The following STK39 variants were observed in gnomAD, a reference collection of about 807,000 sequenced individuals.
STK39 encodes serine/threonine kinase 39.
A neutral mutation model predicts 77.8 loss-of-function variants in STK39; 20 were observed. The ratio of observed to expected loss-of-function variants is 0.26; its 90% confidence interval spans 0.18 to 0.37. STK39 has a LOEUF of 0.37. Among genes scored for constraint, STK39 ranks in the 10% least tolerant of loss-of-function variants. The probability of loss-of-function intolerance (pLI) is 1.00; values close to 1 mark genes in which losing one functional copy is unlikely to be tolerated. For missense variants in STK39, 479 were observed against 656.5 expected (o/e 0.73, Z 2.95); for synonymous variants, 246 against 234.1 (o/e 1.05, Z -0.47).
At position 168,247,254 on chromosome 2, in the gene STK39, TC is replaced by T; in HGVS notation, c.181del (p.Asp61ThrfsTer29). ...GATAACCTCCTGCAGCTCGTACGCG[TC>T]CCTGCAGATGGGCCAGCCGACAGCC... ...AQAVGWPICR[D>X]AYELQEVIGS... is the part of the protein sequence containing the mutation. On this transcript the variant is annotated frameshift_variant, in exon 1 of 18. Transcript: ENST00000355999. LOFTEE classifies it high-confidence loss of function. The T allele has an allele frequency of 8.9e-7, 1 of 1,127,458 alleles. No homozygotes were observed. The highest frequency in any genetic ancestry group is 1.1e-6 in the Non-Finnish European group (1 of 923,500). 69.8% of individuals were successfully genotyped at this position (1,127,458 alleles called of 1,614,324 possible). A position where few individuals can be genotyped will look rare whatever the true frequency, so the allele number is the denominator to read the frequency against.
intron 14 of STK39, among the ~76,000 whole-genome samples, chr2:168,048,743 C>G (rs958774204): frequency 6.6e-6 from 1 of 152,178 alleles, no homozygotes; most frequent in Non-Finnish European, 1.5e-5. Flanking sequence ...GGTTCTCTAG[C>G]TACCTTCTGT....
chr2:168,244,105 C>T (rs190682290), intron 1 of STK39, among the ~76,000 whole-genome samples: 1 of 152,298 alleles, frequency 6.6e-6, no homozygotes, highest in African/African-American at 2.4e-5. Flanking sequence ...TCCCTCCCAT[C>T]GATTTTACAT....
intron 1 of STK39, among the ~76,000 whole-genome samples, chr2:168,209,284 A>T (rs910557679): frequency 6.6e-6 from 1 of 152,212 alleles, no homozygotes; most frequent in South Asian, 2.1e-4. Flanking sequence ...AAATACAGAG[A>T]CCACCAGAAA....
In STK39 at chr2:168,197,591, A is replaced by G. The variant is rs1328721831; in HGVS notation, c.209-15501T>C. ...AGAACTGTCCAATCATATCTTACAA[A>G]TGGGTATTCATGTGTACTGCCCTCC... On this transcript the variant is annotated intron_variant, in intron 1 of 17. Coordinates refer to ENST00000355999, the MANE Select transcript of STK39 (RefSeq NM_013233.3). Among the ~76,000 whole-genome samples the G allele has an allele frequency of 2.0e-5, 3 of 152,232 alleles. No individual in the cohort carries two copies. In the East Asian group the frequency reaches 5.8e-4, roughly 29 times the overall value.
chr2:168,217,905 T>C (rs1690066173), intron 1 of STK39, among the ~76,000 whole-genome samples: 1 of 152,184 alleles, frequency 6.6e-6, no homozygotes, highest in African/African-American at 2.4e-5. Context: ...CATAGTCTCC[T>C]ATGGAGGGGA....
At chr2:168,102,802 C>T (rs1244003636) in intron 10 of STK39, among the ~76,000 whole-genome samples, 3 of 151,818 alleles carry the variant, frequency 2.0e-5, no homozygotes, top group African/African-American at 7.3e-5. Context: ...TGGTGGTGGG[C>T]ACCTGTAGTC....
intron 10 of STK39, among the ~76,000 whole-genome samples, chr2:168,090,291 TTGAATGAATGAA>T (rs35981068): frequency 1.3e-5 from 2 of 151,396 alleles, no homozygotes; most frequent in African/African-American, 4.8e-5. Context: ...GATACATTTG[TTGAATGAATGAA>T]TGAATGAATG....
intron 10 of STK39, among the ~76,000 whole-genome samples, chr2:168,122,052 T>C (rs1483409658): frequency 1.3e-5 from 2 of 152,216 alleles, no homozygotes; most frequent in Non-Finnish European, 2.9e-5. Context: ...TTTATTTTCG[T>C]TTCAGGGGCA....
intron 10 of STK39, among the ~76,000 whole-genome samples, chr2:168,082,588 T>G (rs1686263383): frequency 6.6e-6 from 1 of 152,198 alleles, no homozygotes; most frequent in African/African-American, 2.4e-5. Flanking sequence ...CTCCTACCTC[T>G]CTTGTCCTTC....
At chr2:168,137,926 A>G (rs1029878845) in intron 8 of STK39, among the ~76,000 whole-genome samples, 162 bp downstream of exon 8, 5 of 152,124 alleles carry the variant, frequency 3.3e-5, no homozygotes, top group Admixed American at 1.3e-4. Flanking sequence ...TCTTGGACCC[A>G]CACCGTCTTT....
chr2:167,991,915 A>C (rs1350325318), intron 16 of STK39, among the ~76,000 whole-genome samples: 2 of 152,210 alleles, frequency 1.3e-5, no homozygotes, highest in Admixed American at 6.5e-5. Flanking sequence ...TATCAGGAAG[A>C]CAGGAATCTT....
rs146323559 is a variant in STK39 at position 168,193,805 on chromosome 2, A to G, written c.209-11715T>C. Among the ~76,000 whole-genome samples, 1,124 of 152,282 alleles carry G rather than the reference A, an allele frequency of 7.4e-3. 12 individuals carry two copies. Among genetic ancestry groups the G allele is most frequent in the African/African-American group, 0.026 (1,071 of 41,560 alleles). On this transcript the variant is annotated intron_variant, in intron 1 of 17. Transcript: ENST00000355999. ...AGTATGGGACAGGGGTGAGTTCTACATTTCTCAAGCTCCCAGGTGATGTGA... is the reference window on the plus strand; with the variant it reads ...AGTATGGGACAGGGGTGAGTTCTACGTTTCTCAAGCTCCCAGGTGATGTGA...
chr2:167,960,836 A>T (rs1407794982), intron 17 of STK39, among the ~76,000 whole-genome samples: 5 of 152,150 alleles, frequency 3.3e-5, no homozygotes, highest in Non-Finnish European at 7.4e-5. Flanking sequence ...GTGTGAAACT[A>T]CAAGTTTCCT....
At chr2:168,143,490 A>T (rs1367947836) in intron 5 of STK39, among the ~76,000 whole-genome samples, 2 of 152,184 alleles carry the variant, frequency 1.3e-5, no homozygotes, top group African/African-American at 4.8e-5. Flanking sequence ...ATGCAAGTGG[A>T]TCACGAGGTC....
At chr2:168,056,335 C>CG (rs532678188) in intron 14 of STK39, among the ~76,000 whole-genome samples, 4 of 150,638 alleles carry the variant, frequency 2.7e-5, no homozygotes, top group African/African-American at 9.8e-5. Context: ...GGTGAGCTTC[C>CG]GGGGGGAGGG....
At chr2:168,078,157 T>C (rs1313347700) in intron 10 of STK39, among the ~76,000 whole-genome samples, 1 of 152,218 alleles carries the variant, frequency 6.6e-6, no homozygotes, top group African/African-American at 2.4e-5. Context: ...AAGGAATTCA[T>C]AATCTCACAA....
At chr2:167,970,604 C>T (rs992858048) in intron 16 of STK39, among the ~76,000 whole-genome samples, 6 of 152,200 alleles carry the variant, frequency 3.9e-5, no homozygotes, top group African/African-American at 9.7e-5. Context: ...TAATCCTATT[C>T]GTTTGCCCTG....
intron 1 of STK39, among the ~76,000 whole-genome samples, chr2:168,197,032 A>C (rs1689488138): frequency 6.6e-6 from 1 of 152,200 alleles, no homozygotes; most frequent in South Asian, 2.1e-4. Context: ...AATCTGGCTT[A>C]CATTGTACAA....
chr2:168,129,745 C>T lies in STK39; in HGVS notation c.988G>A (p.Glu330Lys), dbSNP rs780056867. 85 of 1,613,848 alleles carry T rather than the reference C, an allele frequency of 5.3e-5. No homozygotes were observed. Among genetic ancestry groups the T allele is most frequent in the Non-Finnish European group, 7.2e-5 (85 of 1,179,938 alleles). Residue 330 changes from glutamate to lysine, a missense_variant, in exon 9 of 18, where the codon GAA (glutamate) becomes AAA (lysine). Glu to Lys is a moderately conservative substitution (Grantham distance 56). Around this residue, in one of 3 missense-constraint regions of STK39, gnomAD observed 244 missense variants for 296.8 expected, o/e 0.82. Coordinates refer to ENST00000355999, the MANE Select transcript of STK39 (RefSeq NM_013233.3). ...TGGAAGAATTTGCATTTTAAAAGTT[C>T]TGCTGCTGTGGGCCTGAAAGATCAA... ...KDPSKRPTAA[E>K]LLKCKFFQKA...
Sources: allele counts gnomAD v4.1 joint callset (sites outside exome capture counted in the v4.1 genomes callset), GRCh38; gene constraint gnomAD v4.1.1; regional missense constraint gnomAD v4.1.1; transcripts MANE v1.5; gene names NCBI Gene and HGNC (gene_info 2026-07-23, HGNC 2026-07-21).